The following NOX4 variants were observed in gnomAD, a reference collection of about 807,000 sequenced individuals.
NOX4 encodes NADPH oxidase 4.
NOX4 carries 69 observed loss-of-function variants against 87.6 expected under a neutral mutation model. The observed-to-expected ratio is 0.79, with a 90% CI of 0.65 to 0.96. NOX4 has a LOEUF of 0.96. NOX4 is among the 40% of genes least tolerant of loss of function. The pLI is 0.00. For missense variants in NOX4, 680 were observed against 681.5 expected, an observed-to-expected ratio of 1.00 and a Z score of 0.02; for synonymous variants, 275 against 238.2, an observed-to-expected ratio of 1.15 and a Z score of -1.42.
At chr11:89,506,207 TAGAA>T in the NOX4 span, among the ~76,000 whole-genome samples, 4 of 94,580 alleles carry the variant, frequency 4.2e-5, no homozygotes, top group Admixed American at 1.4e-4. Flanking sequence ...TGTCCATTTG[TAGAA>T]AGAAAGAAAG....
the NOX4 span, among the ~76,000 whole-genome samples, chr11:89,561,527 C>T: frequency 6.6e-6 from 1 of 152,250 alleles, no homozygotes; most frequent in East Asian, 1.9e-4. Flanking sequence ...ACTAAAATGA[C>T]AGTGATAATA....
the NOX4 span, among the ~76,000 whole-genome samples, chr11:89,572,752 T>A: frequency 6.6e-6 from 1 of 152,152 alleles, no homozygotes; most frequent in Admixed American, 6.5e-5. Flanking sequence ...CTTTCCAACC[T>A]TTCTGTATTT....
At chr11:89,582,519 A>G in the NOX4 span, among the ~76,000 whole-genome samples, 1 of 152,062 alleles carries the variant, frequency 6.6e-6, no homozygotes, top group Non-Finnish European at 1.5e-5. Context: ...AGGATTCCCT[A>G]TTCCCCACAA....
intron 4 of NOX4, among the ~76,000 whole-genome samples, chr11:89,445,685 A>G (rs1230885253): frequency 1.3e-5 from 2 of 152,160 alleles, no homozygotes; most frequent in African/African-American, 4.8e-5. Context: ...AAATCTAGTC[A>G]TAGACTTTAC....
rs556953443 is a variant in NOX4 at position 89,489,038 on chromosome 11, T to C, written c.153+1420A>G. 6 of 699,718 alleles carry C rather than the reference T, an allele frequency of 8.6e-6. No individual in the cohort carries two copies. In the Middle Eastern group the frequency reaches 6.9e-4, roughly 80 times the overall value. 43.3% of individuals were successfully genotyped at this position (699,718 alleles called of 1,614,324 possible). On this transcript the variant is annotated intron_variant, in intron 2 of 17. Coordinates refer to ENST00000263317, the MANE Select transcript of NOX4 (RefSeq NM_016931.5). Reference sequence around the variant, plus strand: ...GAAATAAATGAAATGGGTTTAGCTTTACAGACTATTTTTTTCAACCCATTG... The same window carrying C: ...GAAATAAATGAAATGGGTTTAGCTTCACAGACTATTTTTTTCAACCCATTG...
intron 8 of NOX4, among the ~76,000 whole-genome samples, chr11:89,420,695 T>C (rs1943036553): frequency 6.6e-6 from 1 of 152,162 alleles, no homozygotes; most frequent in Non-Finnish European, 1.5e-5. Context: ...ATAAATTACA[T>C]TATAAAACAT....
chr11:89,567,264 T>C, the NOX4 span, among the ~76,000 whole-genome samples: 2 of 152,144 alleles, frequency 1.3e-5, no homozygotes, highest in African/African-American at 4.8e-5. Context: ...GTGTGGACTC[T>C]ACCTAACCAT....
chr11:89,475,781 A>G (rs989609754), intron 2 of NOX4, among the ~76,000 whole-genome samples: 6 of 152,026 alleles, frequency 3.9e-5, no homozygotes, highest in African/African-American at 1.4e-4. Context: ...ATAGGGAAGA[A>G]ATATTGAGGC....
chr11:89,461,085 A>T (rs1945440382), intron 2 of NOX4, among the ~76,000 whole-genome samples: 1 of 151,984 alleles, frequency 6.6e-6, no homozygotes, highest in Admixed American at 6.6e-5. Context: ...GCATGTTCTC[A>T]CTCATAGGTG....
intron 12 of NOX4, among the ~76,000 whole-genome samples, chr11:89,357,201 T>G (rs1938131750): frequency 6.9e-6 from 1 of 145,692 alleles, no homozygotes; most frequent in South Asian, 2.1e-4. Flanking sequence ...CAGAGATACA[T>G]AACTGGCTTC....
At chr11:89,524,795 A>T in the NOX4 span, among the ~76,000 whole-genome samples, 1 of 152,122 alleles carries the variant, frequency 6.6e-6, no homozygotes, top group Non-Finnish European at 1.5e-5. Flanking sequence ...CAAATGCATT[A>T]CCTCACATTA....
At chr11:89,566,571 G>A in the NOX4 span, among the ~76,000 whole-genome samples, 1 of 151,710 alleles carries the variant, frequency 6.6e-6, no homozygotes, top group African/African-American at 2.4e-5. Context: ...CTCTGTAGAA[G>A]ACATATACAT....
intron 12 of NOX4, among the ~76,000 whole-genome samples, chr11:89,371,228 TTC>T (rs1939421457): frequency 6.6e-6 from 1 of 151,988 alleles, no homozygotes; most frequent in Non-Finnish European, 1.5e-5. Context: ...TATTTAGGTG[TTC>T]TCTGCATGAC....
At chr11:89,551,109 T>C in the NOX4 span, among the ~76,000 whole-genome samples, 14 of 152,322 alleles carry the variant, frequency 9.2e-5, no homozygotes, top group South Asian at 1.2e-3. Context: ...TGTGGTGTTA[T>C]TTCTGAGGCC....
chr11:89,331,653 T>C (rs920871833), intron 17 of NOX4, among the ~76,000 whole-genome samples: 1 of 151,760 alleles, frequency 6.6e-6, no homozygotes, highest in African/African-American at 2.4e-5. Flanking sequence ...AGGGCAATTA[T>C]AGAGTTAGTT....
intron 11 of NOX4, among the ~76,000 whole-genome samples, chr11:89,398,856 T>C (rs1941654674): frequency 6.6e-6 from 1 of 151,884 alleles, no homozygotes; most frequent in African/African-American, 2.4e-5. Context: ...TATATGGTCA[T>C]TAACATGAAT....
At chr11:89,539,516 C>A in the NOX4 span, among the ~76,000 whole-genome samples, 1 of 152,126 alleles carries the variant, frequency 6.6e-6, no homozygotes, top group African/African-American at 2.4e-5. Context: ...GCAGACCAAA[C>A]TGACTGACAG....
intron 6 of NOX4, among the ~76,000 whole-genome samples, chr11:89,434,259 C>G (rs998471180): frequency 6.6e-6 from 1 of 152,030 alleles, no homozygotes; most frequent in African/African-American, 2.4e-5. Context: ...AAACAAATTT[C>G]ACTTATAAAG....
In NOX4 at chr11:89,326,741, T is replaced by A. The variant is rs1165740534; in HGVS notation, c.*15A>T. On this transcript the variant is annotated 3_prime_UTR_variant, in exon 18 of 18. Transcript: ENST00000263317. ...CTCATTCCTTCTTTAGAGTCCTGCT[T>A]CATGGCAAAAGTTTTCAGCTGAAAG... 3.1e-6 allele frequency: 5 copies of A among 1,611,402 alleles called. No individual in the cohort carries two copies. The Admixed American group carries it at 8.4e-5, about 27-fold the overall frequency.
Sources: allele counts gnomAD v4.1 joint callset (sites outside exome capture counted in the v4.1 genomes callset), GRCh38; gene constraint gnomAD v4.1.1; transcripts MANE v1.5; gene names NCBI Gene and HGNC (gene_info 2026-07-23, HGNC 2026-07-21).